Variants in TPPP observed in about 807,000 individuals in gnomAD.
TPPP encodes tubulin polymerization promoting protein, also known as tubulin polymerization-promoting protein.
TPPP carries 6 observed loss-of-function variants against 15.5 expected under a neutral mutation model. The observed-to-expected ratio is 0.39, with a 90% confidence interval of 0.21 to 0.77. The LOEUF is 0.77. Among genes scored for constraint, TPPP ranks in the 30% least tolerant of loss-of-function variants. The pLI is 0.42. For synonymous variants in TPPP, 146 were observed against 133.9 expected, an observed-to-expected ratio of 1.09 and a Z score of -0.63; for missense variants, 269 against 307.2, an observed-to-expected ratio of 0.88 and a Z score of 0.93.
upstream of TPPP, among the ~76,000 whole-genome samples, chr5:694,486 G>A: frequency 8.0e-6 from 1 of 125,174 alleles, no homozygotes; most frequent in Non-Finnish European, 1.9e-5. Flanking sequence ...GGGAAGTTGG[G>A]GTGCTGGGTG....
chr5:691,572 CCCCCATCAAAACAATAGCCCCCAA>C (rs1740864728), intron 1 of TPPP, among the ~76,000 whole-genome samples: 1 of 47,616 alleles, frequency 2.1e-5, no homozygotes, highest in Admixed American at 1.7e-4. Context: ...AGCCCCCCAA[CCCCCATCAAAACAATAGCCCCCAA>C]CCCCCATCAA....
chr5:669,791 AG>A (rs1740137072), intron 2 of TPPP, among the ~76,000 whole-genome samples: 1 of 151,998 alleles, frequency 6.6e-6, no homozygotes, highest in African/African-American at 2.4e-5. Flanking sequence ...AGCTCTCCCC[AG>A]GAGACCCGGG....
Position 663,667 on chromosome 5 carries a change from G to T in TPPP, c.*1435C>A, listed in dbSNP as rs1005341818. The T allele has an allele frequency of 1.3e-5, 2 of 152,486 alleles. No individual in the cohort carries two copies. The highest frequency in any genetic ancestry group is 4.8e-5 in the African/African-American group (2 of 41,456). The allele number at this position is 152,486 out of a possible 1,614,324, so 9.4% of individuals were successfully genotyped here. ...TGCTCATGCGTGCCAGTGAGGGAGG[G>T]GCCTCGCCACCCTCCTGTACTGTGA... On this transcript the variant is annotated 3_prime_UTR_variant, in exon 4 of 4. Coordinates refer to ENST00000360578, the MANE Select transcript of TPPP (RefSeq NM_007030.3).
At chr5:666,337 T>C (rs1580073115) in intron 2 of TPPP, among the ~76,000 whole-genome samples, 2 of 152,228 alleles carry the variant, frequency 1.3e-5, no homozygotes. Context: ...CACACGGCCC[T>C]GCAGGCCGCT....
chr5:669,061 A>G (rs1001451369), intron 2 of TPPP, among the ~76,000 whole-genome samples: 1 of 152,238 alleles, frequency 6.6e-6, no homozygotes, highest in Non-Finnish European at 1.5e-5. Flanking sequence ...CGCGCTGAGA[A>G]ACACACCAAG....
In TPPP at chr5:668,290, G is replaced by A. The variant is rs112761988; in HGVS notation, c.312-2167C>T. On this transcript the variant is annotated intron_variant, in intron 2 of 3. Transcript: ENST00000360578. Reference sequence around the variant, plus strand: ...ACGGAGAGGGGTCCGCGTGGGCGCCGTCAGGGAAGTACCGACAAGCACACA... The same window carrying A: ...ACGGAGAGGGGTCCGCGTGGGCGCCATCAGGGAAGTACCGACAAGCACACA... Among the ~76,000 whole-genome samples the A allele has an allele frequency of 2.7e-3, 197 of 72,270 alleles. 22 individuals carry two copies. The highest frequency in any genetic ancestry group is 0.014 in the African/African-American group (180 of 12,484). The allele number at this position is 72,270 out of a possible 152,430, so 47.4% of individuals were successfully genotyped here.
chr5:685,437 C>T (rs1740741170), intron 1 of TPPP, among the ~76,000 whole-genome samples: 1 of 152,230 alleles, frequency 6.6e-6, no homozygotes, highest in East Asian at 1.9e-4. Flanking sequence ...ACTCGGGACC[C>T]CTGCCACTCA....
At chr5:676,558 A>G (rs1007358658) in intron 2 of TPPP, 2 of 148,572 alleles carry the variant, frequency 1.3e-5, no homozygotes, top group South Asian at 4.2e-4. Flanking sequence ...TACATCGGCC[A>G]CAGGAGGACG....
chr5:686,782 A>G (rs115315835), intron 1 of TPPP, among the ~76,000 whole-genome samples: 7,117 of 119,348 alleles, frequency 0.06, 88 homozygotes, highest in African/African-American at 0.12. Context: ...CAAAATCCAC[A>G]CTGGAACCTA....
At chr5:686,305 G>A (rs1204388355) in intron 1 of TPPP, among the ~76,000 whole-genome samples, 10 of 152,372 alleles carry the variant, frequency 6.6e-5, no homozygotes, top group South Asian at 6.2e-4. Context: ...GGACTCTCAC[G>A]CGGGGCACAC....
At chr5:668,039 T>C (rs367668781) in intron 2 of TPPP, among the ~76,000 whole-genome samples, 14 of 23,980 alleles carry the variant, frequency 5.8e-4, no homozygotes, top group Non-Finnish European at 4.1e-4. Context: ...GAGGGGGCCG[T>C]GTGGGCGCCG....
rs1004828234 is a variant in TPPP at position 660,682 on chromosome 5, C to G, written c.*4420G>C. 3.3e-5 allele frequency: 5 copies of G among 152,308 alleles called. No homozygotes were observed. The highest frequency in any genetic ancestry group is 1.2e-4 in the African/African-American group (5 of 41,462). The allele number at this position is 152,308 out of a possible 1,614,324, so 9.4% of individuals were successfully genotyped here. On this transcript the variant is annotated 3_prime_UTR_variant, in exon 4 of 4. Coordinates refer to ENST00000360578, the MANE Select transcript of TPPP (RefSeq NM_007030.3). ...AGGCATCTCCATCTCAACTCCTCCC[C>G]ACTCCACTTGTACAGCAGGAGCCAC... is the stretch of plus-strand genomic sequence containing the variant.
the TPPP span, among the ~76,000 whole-genome samples, chr5:699,415 T>C: frequency 5.7e-4 from 86 of 152,162 alleles, no homozygotes; most frequent in African/African-American, 1.9e-3. Flanking sequence ...TGGATTGGCA[T>C]ATGCAGCAGA....
intron 1 of TPPP, among the ~76,000 whole-genome samples, chr5:688,439 C>A (rs1198578075): frequency 6.6e-6 from 1 of 151,060 alleles, no homozygotes; most frequent in Non-Finnish European, 1.5e-5. Flanking sequence ...GTGCCCACCA[C>A]GTGGCTTCTG....
rs192528988 is a variant in TPPP at position 688,504 on chromosome 5, C to T, written c.-5+4774G>A. ...GCACAGTGCTCAGGAATTGCAGCTT[C>T]GACGGGAAAACGGACGGTGAGTAAG... On this transcript the variant is annotated intron_variant, in intron 1 of 3. Coordinates refer to ENST00000360578, the MANE Select transcript of TPPP (RefSeq NM_007030.3). Among the ~76,000 whole-genome samples the T allele has an allele frequency of 4.4e-4, 67 of 152,228 alleles. 1 individual carries two copies. Among genetic ancestry groups the T allele is most frequent in the Non-Finnish European group, 7.6e-4 (52 of 67,978 alleles).
intron 1 of TPPP, among the ~76,000 whole-genome samples, chr5:683,575 TC>T (rs1012009043): frequency 6.6e-6 from 1 of 152,062 alleles, no homozygotes; most frequent in Non-Finnish European, 1.5e-5. Flanking sequence ...TGCCCAGGAA[TC>T]CAACGTGCTG....
intron 1 of TPPP, among the ~76,000 whole-genome samples, chr5:683,210 G>C (rs1740674032): frequency 6.6e-6 from 1 of 152,212 alleles, no homozygotes; most frequent in Non-Finnish European, 1.5e-5. Flanking sequence ...CCTTGAAGGG[G>C]TGCAGCCCCC....
At chr5:682,726 G>C (rs1363223737) in intron 1 of TPPP, among the ~76,000 whole-genome samples, 1 of 152,212 alleles carries the variant, frequency 6.6e-6, no homozygotes, top group Non-Finnish European at 1.5e-5. Context: ...CAGCCTCGGT[G>C]CTCCCTTGTT....
chr5:673,065 A>C (rs540566611), intron 2 of TPPP, among the ~76,000 whole-genome samples: 1 of 152,256 alleles, frequency 6.6e-6, no homozygotes, highest in East Asian at 1.9e-4. Context: ...TGCAGTACCG[A>C]AGGCCACTTC....
Sources: allele counts gnomAD v4.1 joint callset (sites outside exome capture counted in the v4.1 genomes callset), GRCh38; gene constraint gnomAD v4.1.1; transcripts MANE v1.5; gene names NCBI Gene and HGNC (gene_info 2026-07-23, HGNC 2026-07-21).